The following GRIP1 variants were observed in gnomAD, a reference collection of about 807,000 sequenced individuals.
GRIP1 encodes glutamate receptor interacting protein 1, also known as glutamate receptor-interacting protein 1.
In GRIP1, 45 loss-of-function variants were observed where a neutral mutation model predicts 129.9. That is an observed-to-expected ratio of 0.35 (90% CI 0.27 to 0.44). GRIP1 has a LOEUF of 0.44. Among genes scored for constraint, GRIP1 ranks in the 20% least tolerant of loss-of-function variants. The probability of loss-of-function intolerance (pLI) is 1.00; values close to 1 mark genes in which losing one functional copy is unlikely to be tolerated. For synonymous variants in GRIP1, 530 were observed against 520.8 expected, an observed-to-expected ratio of 1.02 and a Z score of -0.24; for missense variants, 1,196 against 1,396.8, an observed-to-expected ratio of 0.86 and a Z score of 2.29.
At chr12:66,788,357 G>A (rs1312706338) in intron 1 of GRIP1, among the ~76,000 whole-genome samples, 1 of 151,494 alleles carries the variant, frequency 6.6e-6, no homozygotes, top group Non-Finnish European at 1.5e-5. Context: ...GTTTACTATG[G>A]TTGAACAATA....
At chr12:66,846,142 T>C (rs867382127) in intron 1 of GRIP1, among the ~76,000 whole-genome samples, 5 of 152,350 alleles carry the variant, frequency 3.3e-5, no homozygotes, top group Middle Eastern at 3.4e-3. Flanking sequence ...TGGTGATTAC[T>C]ATCATTTATA....
Position 66,992,633 on chromosome 12 carries a change from C to T in GRIP1, c.58+76417G>A, listed in dbSNP as rs554601185. 1.6e-4 allele frequency among the ~76,000 whole-genome samples: 24 copies of T among 152,300 alleles called. 1 individual carries two copies. In the South Asian group the frequency reaches 4.8e-3, roughly 30 times the overall value. On this transcript the variant is annotated intron_variant, in intron 1 of 1. Transcript: ENST00000643019. ...ACATTCTTCTCAAGTGCACACAGAG[C>T]ATTCTCCAGGCTAGACCATATGGTA...
chr12:66,564,008 A>T (rs1445456473), intron 2 of GRIP1: 1 of 154,942 alleles, frequency 6.5e-6, no homozygotes, highest in African/African-American at 2.4e-5. Flanking sequence ...TAAACCCAAT[A>T]TCTTCCAACT....
intron 1 of GRIP1, among the ~76,000 whole-genome samples, chr12:66,827,430 G>A (rs185712249): frequency 2.6e-4 from 39 of 151,648 alleles, no homozygotes; most frequent in Admixed American, 6.6e-4. Flanking sequence ...ACAAGACAGC[G>A]AGAGCAAGAG....
chr12:66,536,210 C>T (rs1393246231), intron 4 of GRIP1, among the ~76,000 whole-genome samples: 3 of 152,186 alleles, frequency 2.0e-5, no homozygotes, highest in African/African-American at 7.2e-5. Flanking sequence ...TGCCCTCCAG[C>T]TCATCTCCCA....
At chr12:66,480,855 C>G (rs546502569) in intron 7 of GRIP1, among the ~76,000 whole-genome samples, 2 of 152,122 alleles carry the variant, frequency 1.3e-5, no homozygotes, top group Non-Finnish European at 2.9e-5. Flanking sequence ...AACTGGCTAG[C>G]CATACACAGA....
At chr12:66,955,148 A>C (rs1286499388) in intron 1 of GRIP1, among the ~76,000 whole-genome samples, 1 of 152,154 alleles carries the variant, frequency 6.6e-6, no homozygotes, top group African/African-American at 2.4e-5. Context: ...AGAGGTTGGC[A>C]TTATTATTGT....
intron 1 of GRIP1, among the ~76,000 whole-genome samples, chr12:66,749,708 C>T (rs932305062): frequency 2.0e-5 from 3 of 152,078 alleles, no homozygotes; most frequent in African/African-American, 4.8e-5. Flanking sequence ...ATGCATCTTC[C>T]GGATGACCCC....
intron 2 of GRIP1, among the ~76,000 whole-genome samples, chr12:66,587,022 C>G (rs1483111315): frequency 6.6e-6 from 1 of 152,200 alleles, no homozygotes; most frequent in Non-Finnish European, 1.5e-5. Context: ...CTACAGGACA[C>G]AGCCTTGTCT....
At chr12:66,395,203 G>C (rs570500441) in intron 16 of GRIP1, among the ~76,000 whole-genome samples, 10 of 152,372 alleles carry the variant, frequency 6.6e-5, no homozygotes, top group Non-Finnish European at 4.4e-5. Flanking sequence ...TGTCAGAGTT[G>C]CAAATAAGAA....
At chr12:66,667,684 C>T (rs565912000) in intron 1 of GRIP1, among the ~76,000 whole-genome samples, 54 of 152,090 alleles carry the variant, frequency 3.6e-4, no homozygotes, top group Non-Finnish European at 6.5e-4. Flanking sequence ...CAACTCCACA[C>T]CAAAATGGGG....
chr12:66,992,734 C>T (rs1021798041), intron 1 of GRIP1, among the ~76,000 whole-genome samples: 38 of 152,046 alleles, frequency 2.5e-4, no homozygotes, highest in African/African-American at 8.5e-4. Context: ...CACAGTGGAA[C>T]AAAATTAGAA....
Position 66,463,099 on chromosome 12 carries a change from G to A in GRIP1, c.873-6C>T. 1 of 1,612,956 alleles carries A rather than the reference G, an allele frequency of 6.2e-7. No individual in the cohort carries two copies. The highest frequency in any genetic ancestry group is 1.3e-5 in the African/African-American group (1 of 75,014). ...CCACATGCAATGCGCCACATCTACG[G>A]AAAGGAGAAATACTCGGTAAGAGGC... On this transcript the variant is annotated splice_polypyrimidine_tract_variant and splice_region_variant and intron_variant, in intron 8 of 24. Transcript: ENST00000359742.
intron 20 of GRIP1, among the ~76,000 whole-genome samples, chr12:66,377,708 T>C (rs1361116905): frequency 1.3e-5 from 2 of 149,562 alleles, no homozygotes; most frequent in East Asian, 4.0e-4. Flanking sequence ...AAGAGAGTCA[T>C]TTTGGATCTG....
intron 1 of GRIP1, among the ~76,000 whole-genome samples, chr12:66,740,557 T>C (rs999510093): frequency 2.6e-5 from 4 of 152,214 alleles, no homozygotes; most frequent in African/African-American, 9.6e-5. Flanking sequence ...TTAAAGATGT[T>C]GGAAAAACCA....
At chr12:66,468,353 A>T (rs2059344427) in intron 7 of GRIP1, among the ~76,000 whole-genome samples, 1 of 152,230 alleles carries the variant, frequency 6.6e-6, no homozygotes, top group Non-Finnish European at 1.5e-5. Context: ...GGATTTCTCA[A>T]GAGATTGAGA....
At chr12:66,946,895 T>A (rs2041679721) in intron 1 of GRIP1, among the ~76,000 whole-genome samples, 1 of 150,802 alleles carries the variant, frequency 6.6e-6, no homozygotes, top group Admixed American at 6.6e-5. Context: ...TAAAAAAAAA[T>A]TAGCCAGGCG....
chr12:66,567,324 G>A (rs1445234221), intron 2 of GRIP1, among the ~76,000 whole-genome samples: 1 of 152,088 alleles, frequency 6.6e-6, no homozygotes, highest in African/African-American at 2.4e-5. Flanking sequence ...GGTATGTTGT[G>A]TCTTTGTTCT....
At chr12:67,063,458 G>A (rs1194874763) in intron 1 of GRIP1, among the ~76,000 whole-genome samples, 1 of 152,102 alleles carries the variant, frequency 6.6e-6, no homozygotes, top group Non-Finnish European at 1.5e-5. Context: ...AAGAAAATTT[G>A]AATAAGTAGA....
Sources: allele counts gnomAD v4.1 joint callset (sites outside exome capture counted in the v4.1 genomes callset), GRCh38; gene constraint gnomAD v4.1.1; transcripts MANE v1.5; gene names NCBI Gene and HGNC (gene_info 2026-07-23, HGNC 2026-07-21).